Variants in ADAM12 observed in about 807,000 individuals in gnomAD.
ADAM12 encodes the protein disintegrin and metalloproteinase domain-containing protein 12.
In ADAM12, 70 loss-of-function variants were observed where a neutral mutation model predicts 106.4. The ratio of observed to expected loss-of-function variants is 0.66; its 90% CI spans 0.54 to 0.80. The LOEUF is 0.80. Ranked by LOEUF, ADAM12 falls within the 30% of genes least tolerant of loss-of-function variation. ADAM12 has a pLI of 0.00. For missense variants in ADAM12, 1,010 were observed against 1,171.9 expected (o/e 0.86, Z 2.02); for synonymous variants, 420 against 433.5 (o/e 0.97, Z 0.39).
intron 3 of ADAM12, among the ~76,000 whole-genome samples, chr10:126,234,815 C>T (rs12268576): frequency 6.6e-6 from 1 of 152,166 alleles, no homozygotes; most frequent in Non-Finnish European, 1.5e-5. Flanking sequence ...TCACACCAGG[C>T]AATAACCAAG....
chr10:126,173,721 T>C (rs1258917340), intron 3 of ADAM12, among the ~76,000 whole-genome samples: 1 of 152,128 alleles, frequency 6.6e-6, no homozygotes, highest in African/African-American at 2.4e-5. Flanking sequence ...TTTTGTGGTT[T>C]GGAAAATCTT....
intron 9 of ADAM12, among the ~76,000 whole-genome samples, chr10:126,099,977 C>G (rs1307410934): frequency 2.3e-5 from 3 of 132,408 alleles, no homozygotes; most frequent in Non-Finnish European, 4.4e-5. Context: ...TTAGATTGTT[C>G]CTTTTTTTTT....
chr10:126,318,802 G>C (rs1853988421), intron 2 of ADAM12, among the ~76,000 whole-genome samples: 1 of 152,222 alleles, frequency 6.6e-6, no homozygotes, highest in Non-Finnish European at 1.5e-5. Context: ...AATTTTTAAA[G>C]GAAGGAGATT....
chr10:126,086,706 T>TATATATATATATATATATATAA (rs1421464288), intron 11 of ADAM12, among the ~76,000 whole-genome samples: 2 of 65,198 alleles, frequency 3.1e-5, no homozygotes, highest in African/African-American at 5.9e-5. Flanking sequence ...TATATATATA[T>TATATATATATATATATATATAA]AAAATAAAAT....
chr10:126,275,212 C>T (rs537279445), intron 3 of ADAM12, among the ~76,000 whole-genome samples: 2 of 152,260 alleles, frequency 1.3e-5, no homozygotes, highest in South Asian at 4.2e-4. Flanking sequence ...GCTGGCCAGC[C>T]TGTCCAATAA....
intron 3 of ADAM12, among the ~76,000 whole-genome samples, chr10:126,212,914 T>C (rs1957926963): frequency 6.6e-6 from 1 of 151,194 alleles, no homozygotes; most frequent in Non-Finnish European, 1.5e-5. Flanking sequence ...AATAACAGCA[T>C]TATTGAGATA....
At chr10:126,258,202 T>A (rs10751542) in intron 3 of ADAM12, among the ~76,000 whole-genome samples, 13 of 152,012 alleles carry the variant, frequency 8.6e-5, no homozygotes, top group East Asian at 5.8e-4. Context: ...TTCAGATTGC[T>A]TTCTGCACTC....
intron 1 of ADAM12, among the ~76,000 whole-genome samples, chr10:126,337,865 T>C (rs1038247975): frequency 1.4e-4 from 21 of 152,218 alleles, no homozygotes; most frequent in Non-Finnish European, 2.1e-4. Context: ...TTCTTCTTTA[T>C]GTTTGTATGT....
intron 11 of ADAM12, among the ~76,000 whole-genome samples, chr10:126,081,273 G>T (rs1955209858): frequency 6.6e-6 from 1 of 152,186 alleles, no homozygotes. Context: ...CCAGGCAGCG[G>T]CTGAGAACAG....
intron 3 of ADAM12, among the ~76,000 whole-genome samples, chr10:126,233,640 T>G (rs994909092): frequency 6.6e-6 from 1 of 152,060 alleles, no homozygotes; most frequent in Non-Finnish European, 1.5e-5. Context: ...TGAGCCTGGC[T>G]CTCCATAAGC....
chr10:126,146,612 T>C (rs182862681), intron 4 of ADAM12, among the ~76,000 whole-genome samples: 6 of 152,286 alleles, frequency 3.9e-5, no homozygotes, highest in Admixed American at 1.3e-4. Context: ...ATTATCAATA[T>C]TGCACAAAGC....
intron 3 of ADAM12, among the ~76,000 whole-genome samples, chr10:126,191,562 GA>G (rs1226770254): frequency 6.6e-6 from 1 of 151,940 alleles, no homozygotes; most frequent in African/African-American, 2.4e-5. Context: ...TAAGGAAAGA[GA>G]GGATTCCTAA....
intron 2 of ADAM12, among the ~76,000 whole-genome samples, chr10:126,303,191 C>T (rs747068850): frequency 2.6e-5 from 4 of 152,196 alleles, no homozygotes; most frequent in African/African-American, 4.8e-5. Flanking sequence ...TTTTTACATG[C>T]GTAAAATCCC....
chr10:126,361,772 A>G (rs1024901141), intron 1 of ADAM12, among the ~76,000 whole-genome samples: 16 of 152,206 alleles, frequency 1.1e-4, no homozygotes, highest in Admixed American at 1.0e-3. Flanking sequence ...CTCACACTAT[A>G]TACAAAAAAG....
chr10:126,311,484 G>A (rs560407956), intron 2 of ADAM12, among the ~76,000 whole-genome samples: 4 of 151,892 alleles, frequency 2.6e-5, no homozygotes, highest in African/African-American at 9.7e-5. Context: ...GTAATTTCTC[G>A]GGTGACAGGA....
chr10:126,141,771 A>ACAG (rs1956516471), intron 4 of ADAM12, among the ~76,000 whole-genome samples: 3 of 132,412 alleles, frequency 2.3e-5, no homozygotes, highest in Non-Finnish European at 5.2e-5. Context: ...AATGCTACCA[A>ACAG]AGTCTGTTAG....
intron 14 of ADAM12, among the ~76,000 whole-genome samples, chr10:126,056,697 C>T (rs1424818328): frequency 9.2e-5 from 3 of 32,714 alleles, no homozygotes; most frequent in Non-Finnish European, 1.5e-4. Flanking sequence ...TGAGAATATG[C>T]GGTGTTTGGT....
intron 3 of ADAM12, among the ~76,000 whole-genome samples, chr10:126,220,532 T>G (rs1565147379): frequency 6.6e-6 from 1 of 152,132 alleles, no homozygotes; most frequent in East Asian, 1.9e-4. Flanking sequence ...TAAAATGATT[T>G]TTGTTGTTGT....
At chr10:126,232,709 A>G (rs574622381) in intron 3 of ADAM12, among the ~76,000 whole-genome samples, 45 of 152,324 alleles carry the variant, frequency 3.0e-4, no homozygotes, top group African/African-American at 1.0e-3. Flanking sequence ...ATACATGCTC[A>G]GCTGGCACAT....
Sources: allele counts gnomAD v4.1 joint callset (sites outside exome capture counted in the v4.1 genomes callset), GRCh38; gene constraint gnomAD v4.1.1; transcripts MANE v1.5; gene names NCBI Gene and HGNC (gene_info 2026-07-23, HGNC 2026-07-21).